The following SS18 variants were observed in gnomAD, a reference collection of about 807,000 sequenced individuals.
SS18 encodes SS18 subunit of BAF chromatin remodeling complex, also known as protein SSXT.
In SS18, 28 loss-of-function variants were observed where a neutral mutation model predicts 72.5. That is an observed-to-expected ratio of 0.39 (90% CI 0.29 to 0.53). The LOEUF (loss-of-function observed/expected upper bound fraction) is 0.53, where lower values mean the gene tolerates loss of function less well. SS18 is among the 20% of genes least tolerant of loss of function. The probability of loss-of-function intolerance (pLI) is 0.76; values close to 1 mark genes in which losing one functional copy is unlikely to be tolerated. For missense variants in SS18, 518 were observed against 535.3 expected, an observed-to-expected ratio of 0.97 and a Z score of 0.32; for synonymous variants, 172 against 164.2, an observed-to-expected ratio of 1.05 and a Z score of -0.37.
At chr18:26,021,660 G>T (rs181285398) in intron 10 of SS18, among the ~76,000 whole-genome samples, 46 of 152,256 alleles carry the variant, frequency 3.0e-4, no homozygotes, top group African/African-American at 1.1e-3. Flanking sequence ...AGGTTAGAAA[G>T]AAATGAATGG....
chr18:26,045,261 A>G (rs182853725), intron 5 of SS18, among the ~76,000 whole-genome samples: 43 of 152,330 alleles, frequency 2.8e-4, no homozygotes, highest in Admixed American at 9.8e-4. Flanking sequence ...TTCCAGCAGT[A>G]TATCTCCTTC....
intron 3 of SS18, among the ~76,000 whole-genome samples, chr18:26,072,795 T>A (rs1313932145): frequency 1.4e-4 from 3 of 22,110 alleles, no homozygotes; most frequent in African/African-American, 1.1e-3. Flanking sequence ...AGACTCCGTC[T>A]CAAAAAAAAA....
intron 10 of SS18, chr18:26,023,773 G>GT: frequency 2.6e-6 from 1 of 390,878 alleles, no homozygotes; most frequent in East Asian, 4.6e-5. Context: ...ATACCACATA[G>GT]TAATATGAAT....
chr18:26,084,787 C>A (rs2054588536), intron 2 of SS18, among the ~76,000 whole-genome samples: 1 of 152,124 alleles, frequency 6.6e-6, no homozygotes, highest in African/African-American at 2.4e-5. Flanking sequence ...TTAAAAGACC[C>A]CCAGATTAAA....
At chr18:26,023,529 A>G (rs1196578775) in intron 10 of SS18, 1 of 464,598 alleles carries the variant, frequency 2.2e-6, no homozygotes, top group East Asian at 4.2e-5. Flanking sequence ...AAGAACAAAG[A>G]TAAATGACAG....
chr18:26,057,638 C>A lies in SS18; in HGVS notation c.336G>T (p.Gly112=). Residue 112 remains glycine, a synonymous_variant, in exon 4 of 11, where the codon GGG becomes GGT. Coordinates refer to ENST00000415083, the MANE Select transcript of SS18 (RefSeq NM_001007559.3). Reference sequence around the variant, plus strand: ...TCTGCATGTGCGGTGCAGGAGGACCCCCACCTACCATTCCATCTGAAGGCA... The same window carrying A: ...TCTGCATGTGCGGTGCAGGAGGACCACCACCTACCATTCCATCTGAAGGCA... ...HNMPSDGMVG[G]GPPAPHMQNQ... is the part of the protein sequence containing the mutation. The A allele has an allele frequency of 1.2e-6, 2 of 1,614,090 alleles. No individual in the cohort carries two copies. Among genetic ancestry groups the A allele is most frequent in the Non-Finnish European group, 1.7e-6 (2 of 1,180,022 alleles).
At position 26,087,699 on chromosome 18, in the gene SS18, C is replaced by A. The variant is rs994109314; in HGVS notation, c.70-122G>T. The A allele has an allele frequency of 1.6e-5, 9 of 565,136 alleles. No individual in the cohort carries two copies. The Admixed American group carries it at 2.5e-4, about 16-fold the overall frequency. 35.0% of individuals were successfully genotyped at this position (565,136 alleles called of 1,614,324 possible). ...CTTGTACAAGAACTCTAAAGCGTAT[C>A]CCTTAACAAAATACTGTCCCCTGCA... On this transcript the variant is annotated intron_variant, in intron 1 of 10. Transcript: ENST00000415083.
At chr18:26,024,732 AAAGG>A (rs963418471) in intron 10 of SS18, among the ~76,000 whole-genome samples, 1 of 152,228 alleles carries the variant, frequency 6.6e-6, no homozygotes, top group African/African-American at 2.4e-5. Flanking sequence ...GAGAAAAATC[AAAGG>A]AAGGCAGAAA....
intron 1 of SS18, among the ~76,000 whole-genome samples, chr18:26,088,895 C>T (rs1017770864): frequency 6.6e-6 from 1 of 151,854 alleles, no homozygotes; most frequent in African/African-American, 2.4e-5. Flanking sequence ...AAAAAAAAAC[C>T]ACTAACATGA....
At chr18:26,047,280 A>AAAAG (rs1555647743) in intron 5 of SS18, among the ~76,000 whole-genome samples, 11 of 147,950 alleles carry the variant, frequency 7.4e-5, no homozygotes, top group East Asian at 3.9e-4. Flanking sequence ...AAAAAAAAAA[A>AAAAG]AAGAAGAAGA....
intron 4 of SS18, among the ~76,000 whole-genome samples, chr18:26,053,342 C>A (rs1412843598): frequency 2.0e-5 from 3 of 150,382 alleles, no homozygotes; most frequent in African/African-American, 5.0e-5. Flanking sequence ...CTAACTAATT[C>A]TAGATGAATA....
At chr18:26,047,547 T>C (rs985473252) in intron 5 of SS18, among the ~76,000 whole-genome samples, 5 of 152,086 alleles carry the variant, frequency 3.3e-5, no homozygotes, top group African/African-American at 1.2e-4. Flanking sequence ...TTTTAAAAAG[T>C]TAAATTCCAG....
intron 2 of SS18, chr18:26,080,239 T>C: frequency 1.8e-6 from 1 of 545,826 alleles, no homozygotes; most frequent in Non-Finnish European, 2.3e-6. Context: ...GAACTTAAAA[T>C]ATAGTGTTCC....
At chr18:26,065,634 A>G (rs916463779) in intron 3 of SS18, among the ~76,000 whole-genome samples, 2 of 151,630 alleles carry the variant, frequency 1.3e-5, no homozygotes, top group Admixed American at 6.6e-5. Context: ...AGGATACAGA[A>G]TTATCCCTTC....
At chr18:26,029,656 T>C (rs1167359807) in intron 10 of SS18, among the ~76,000 whole-genome samples, 1 of 152,160 alleles carries the variant, frequency 6.6e-6, no homozygotes, top group Non-Finnish European at 1.5e-5. Flanking sequence ...TGGGGAAGTA[T>C]CCTAACAATT....
intron 10 of SS18, among the ~76,000 whole-genome samples, chr18:26,018,813 T>C (rs1363397787): frequency 6.6e-6 from 1 of 152,194 alleles, no homozygotes; most frequent in Non-Finnish European, 1.5e-5. Flanking sequence ...TCAAGGGTAT[T>C]TGCAATAAGT....
intron 10 of SS18, among the ~76,000 whole-genome samples, chr18:26,019,013 G>T (rs185074695): frequency 8.5e-4 from 129 of 152,222 alleles, no homozygotes; most frequent in Non-Finnish European, 1.6e-3. Context: ...TAGACTTGAA[G>T]ACCCTCAGGA....
intron 9 of SS18, among the ~76,000 whole-genome samples, chr18:26,033,797 T>C (rs1461036594): frequency 6.6e-6 from 1 of 152,148 alleles, no homozygotes; most frequent in East Asian, 1.9e-4. Context: ...AGCATTTAAC[T>C]ATAATACTTC....
chr18:26,038,524 A>G, intron 7 of SS18, 31 bp downstream of exon 7: 1 of 1,576,158 alleles, frequency 6.3e-7, no homozygotes, highest in Non-Finnish European at 8.7e-7. Flanking sequence ...CAGGGATAGA[A>G]AATGGGAAAG....
Sources: allele counts gnomAD v4.1 joint callset (sites outside exome capture counted in the v4.1 genomes callset), GRCh38; gene constraint gnomAD v4.1.1; transcripts MANE v1.5; gene names NCBI Gene and HGNC (gene_info 2026-07-23, HGNC 2026-07-21).